The following TMEM108 variants were observed in gnomAD, a reference collection of about 807,000 sequenced individuals.
TMEM108 encodes the protein cancer/testis antigen 124.
TMEM108 carries 12 observed loss-of-function variants against 35.1 expected under a neutral mutation model. The observed-to-expected ratio is 0.34, with a 90% CI of 0.22 to 0.55. TMEM108 has a LOEUF of 0.55. Among genes scored for constraint, TMEM108 ranks in the 20% least tolerant of loss-of-function variants. The pLI is 0.89. For missense variants in TMEM108, 680 were observed against 753.3 expected (o/e 0.90, Z 1.14); for synonymous variants, 287 against 308.6 (o/e 0.93, Z 0.73).
At chr3:133,146,809 T>A (rs943508129) in intron 2 of TMEM108, among the ~76,000 whole-genome samples, 11 of 152,204 alleles carry the variant, frequency 7.2e-5, no homozygotes, top group Non-Finnish European at 2.9e-5. Context: ...TCAGTGTTGA[T>A]ATCCCTTTTA....
intron 2 of TMEM108, among the ~76,000 whole-genome samples, chr3:133,168,798 T>C (rs1945083623): frequency 6.6e-6 from 1 of 152,204 alleles, no homozygotes; most frequent in African/African-American, 2.4e-5. Flanking sequence ...TTGGGTTTAC[T>C]TTGCCTTTAT....
rs1402454 is a variant in TMEM108 at position 133,084,109 on chromosome 3, C to A, written c.-47+38089C>A. 9.0e-5 allele frequency among the ~76,000 whole-genome samples: 13 copies of A among 145,096 alleles called. No individual in the cohort carries two copies. In the East Asian group the frequency reaches 1.2e-3, roughly 14 times the overall value. On this transcript the variant is annotated intron_variant, in intron 2 of 5. Coordinates refer to ENST00000321871, the MANE Select transcript of TMEM108 (RefSeq NM_023943.4). ...TGATAAGATTTTATTTTCAACCATTCTTTTTCTTGAATTAAAAAAAAAAAC... is the reference window on the plus strand; with the variant it reads ...TGATAAGATTTTATTTTCAACCATTATTTTTCTTGAATTAAAAAAAAAAAC...
At chr3:133,135,386 CG>C (rs1230337319) in intron 2 of TMEM108, among the ~76,000 whole-genome samples, 1 of 152,064 alleles carries the variant, frequency 6.6e-6, no homozygotes, top group Non-Finnish European at 1.5e-5. Flanking sequence ...GTGAGGAGAG[CG>C]TCTCAGGAAC....
intron 2 of TMEM108, among the ~76,000 whole-genome samples, chr3:133,153,201 C>A (rs1944827092): frequency 6.6e-6 from 1 of 152,062 alleles, no homozygotes; most frequent in Admixed American, 6.6e-5. Context: ...CATCTTGGGT[C>A]CCTCATAAAT....
chr3:133,098,077 A>G (rs1039477642), intron 2 of TMEM108, among the ~76,000 whole-genome samples: 3 of 152,316 alleles, frequency 2.0e-5, no homozygotes, highest in Non-Finnish European at 4.4e-5. Flanking sequence ...AGCAGCTTGT[A>G]TTAGTTCTTT....
intron 3 of TMEM108, among the ~76,000 whole-genome samples, chr3:133,314,218 C>T (rs1231899809): frequency 6.6e-6 from 1 of 151,988 alleles, no homozygotes; most frequent in African/African-American, 2.4e-5. Context: ...AAGAGTAATA[C>T]TTGGAAAAAA....
intron 2 of TMEM108, among the ~76,000 whole-genome samples, chr3:133,106,077 A>C (rs1944147401): frequency 6.6e-6 from 1 of 151,790 alleles, no homozygotes. Context: ...TTAAATACAT[A>C]CTTATAATAA....
chr3:133,184,477 C>G (rs117636810), intron 2 of TMEM108, among the ~76,000 whole-genome samples: 1 of 151,980 alleles, frequency 6.6e-6, no homozygotes, highest in Non-Finnish European at 1.5e-5. Context: ...AAGATACTTG[C>G]GAAGAAATTT....
intron 3 of TMEM108, among the ~76,000 whole-genome samples, chr3:133,252,713 A>G (rs898068909): frequency 6.6e-6 from 1 of 152,206 alleles, no homozygotes; most frequent in African/African-American, 2.4e-5. Context: ...GAACTAAATG[A>G]GTAGATTTGG....
intron 2 of TMEM108, among the ~76,000 whole-genome samples, chr3:133,133,004 A>G (rs564761496): frequency 7.9e-5 from 12 of 152,344 alleles, no homozygotes; most frequent in African/African-American, 2.9e-4. Flanking sequence ...AATTTCTGCA[A>G]TCTCATGATA....
chr3:133,223,491 T>C (rs148368089), intron 2 of TMEM108, among the ~76,000 whole-genome samples: 91 of 152,328 alleles, frequency 6.0e-4, no homozygotes, highest in African/African-American at 2.1e-3. Context: ...TGCAGTGCTT[T>C]TGGATGTAAC....
intron 3 of TMEM108, among the ~76,000 whole-genome samples, chr3:133,255,033 C>A (rs1946525979): frequency 6.6e-6 from 1 of 152,168 alleles, no homozygotes; most frequent in Non-Finnish European, 1.5e-5. Context: ...AATTGGTTCC[C>A]AGGGTGTGTG....
intron 2 of TMEM108, among the ~76,000 whole-genome samples, chr3:133,186,874 ATGTGAATGTGTG>A (rs1490626676): frequency 2.0e-5 from 3 of 152,140 alleles, no homozygotes; most frequent in Non-Finnish European, 4.4e-5. Context: ...CCCTACACAT[ATGTGAATGTGTG>A]TGTGTATGTG....
intron 2 of TMEM108, among the ~76,000 whole-genome samples, chr3:133,187,903 A>T (rs1345539538): frequency 8.9e-5 from 13 of 146,092 alleles, no homozygotes; most frequent in African/African-American, 2.8e-4. Flanking sequence ...AAAAAAAAAG[A>T]CAGGAACAAA....
At chr3:133,314,899 C>A (rs1209700484) in intron 3 of TMEM108, among the ~76,000 whole-genome samples, 1 of 152,188 alleles carries the variant, frequency 6.6e-6, no homozygotes, top group Non-Finnish European at 1.5e-5. Flanking sequence ...TAGCTCTTTG[C>A]CCTTTCAAGA....
At chr3:133,204,621 T>C (rs1576380949) in intron 2 of TMEM108, among the ~76,000 whole-genome samples, 1 of 152,322 alleles carries the variant, frequency 6.6e-6, no homozygotes, top group Non-Finnish European at 1.5e-5. Context: ...TTGAATGACT[T>C]TCTTAATACT....
At chr3:133,367,565 G>A (rs1415680772) in intron 3 of TMEM108, among the ~76,000 whole-genome samples, 1 of 152,252 alleles carries the variant, frequency 6.6e-6, no homozygotes, top group Non-Finnish European at 1.5e-5. Flanking sequence ...TTCGTTCCAG[G>A]CAAACTGGAG....
At chr3:133,261,083 G>A (rs1045343651) in intron 3 of TMEM108, among the ~76,000 whole-genome samples, 4 of 152,120 alleles carry the variant, frequency 2.6e-5, no homozygotes, top group Non-Finnish European at 2.9e-5. Flanking sequence ...ATCCTGTTGT[G>A]GTTAGAACAC....
intron 2 of TMEM108, among the ~76,000 whole-genome samples, chr3:133,059,012 C>T (rs1943505840): frequency 6.6e-6 from 1 of 152,196 alleles, no homozygotes; most frequent in Admixed American, 6.5e-5. Flanking sequence ...AGGGTGCCAG[C>T]ATGGTTAGGT....
Sources: allele counts gnomAD v4.1 joint callset (sites outside exome capture counted in the v4.1 genomes callset), GRCh38; gene constraint gnomAD v4.1.1; transcripts MANE v1.5; gene names NCBI Gene and HGNC (gene_info 2026-07-23, HGNC 2026-07-21).